The following THSD4 variants were observed in gnomAD, a reference collection of about 807,000 sequenced individuals.
The protein encoded by THSD4 is thrombospondin type 1 domain containing 4, also known as thrombospondin type-1 domain-containing protein 4.
A neutral mutation model predicts 119.0 loss-of-function variants in THSD4; 69 were observed. The ratio of observed to expected loss-of-function variants is 0.58; its 90% CI spans 0.48 to 0.71. The LOEUF is 0.71. Among genes scored for constraint, THSD4 ranks in the 30% least tolerant of loss-of-function variants. The pLI is 0.00. For synonymous variants in THSD4, 524 were observed against 540.4 expected (o/e 0.97, Z 0.42); for missense variants, 1,393 against 1,391.1 (o/e 1.00, Z -0.02).
At chr15:71,466,993 G>A (rs964687462) in intron 7 of THSD4, among the ~76,000 whole-genome samples, 4 of 152,152 alleles carry the variant, frequency 2.6e-5, no homozygotes, top group Non-Finnish European at 4.4e-5. Flanking sequence ...CATTGCCCTC[G>A]CGTTTGTAAC....
intron 6 of THSD4, among the ~76,000 whole-genome samples, chr15:71,383,309 A>AT (rs1394113586): frequency 6.6e-6 from 1 of 152,134 alleles, no homozygotes; most frequent in Non-Finnish European, 1.5e-5. Flanking sequence ...GCATCTAATG[A>AT]TTTTTTTCCT....
At chr15:71,327,921 T>C (rs1265473365) in intron 6 of THSD4, among the ~76,000 whole-genome samples, 1 of 152,250 alleles carries the variant, frequency 6.6e-6, no homozygotes, top group Non-Finnish European at 1.5e-5. Flanking sequence ...CAGCCGGGTC[T>C]GTGCAAGAAT....
intron 7 of THSD4, among the ~76,000 whole-genome samples, chr15:71,415,867 G>A (rs1171759339): frequency 6.6e-6 from 1 of 152,158 alleles, no homozygotes; most frequent in South Asian, 2.1e-4. Context: ...TGCAATCTTG[G>A]TTCACTGCAG....
In THSD4 at chr15:71,584,900, T is replaced by A. The variant is rs546833872; in HGVS notation, c.1153-75630T>A. ...CTTCATGATTTCCATGAGGCTTACATAAAACATCTTATATCTATAATAGTC... is the reference window on the plus strand; with the variant it reads ...CTTCATGATTTCCATGAGGCTTACAAAAAACATCTTATATCTATAATAGTC... On this transcript the variant is annotated intron_variant, in intron 7 of 17. Transcript: ENST00000261862. Among the ~76,000 whole-genome samples, 3 of 152,298 alleles carry A rather than the reference T, an allele frequency of 2.0e-5. No homozygotes were observed. The East Asian group carries it at 5.8e-4, about 29-fold the overall frequency.
chr15:71,571,802 C>T (rs894207477), intron 7 of THSD4, among the ~76,000 whole-genome samples: 1 of 152,338 alleles, frequency 6.6e-6, no homozygotes, highest in East Asian at 1.9e-4. Context: ...TATTGCATCT[C>T]TGTGTGGCCA....
intron 7 of THSD4, among the ~76,000 whole-genome samples, chr15:71,649,055 C>T (rs1002597447): frequency 2.6e-5 from 4 of 152,112 alleles, no homozygotes; most frequent in African/African-American, 7.2e-5. Context: ...ACATATGGAA[C>T]GTAGAAAAGA....
intron 8 of THSD4, among the ~76,000 whole-genome samples, chr15:71,706,713 G>T (rs1200827384): frequency 6.6e-6 from 1 of 152,230 alleles, no homozygotes; most frequent in Middle Eastern, 3.4e-3. Context: ...TAGCAAAAAG[G>T]GTTAACATGC....
intron 8 of THSD4, among the ~76,000 whole-genome samples, chr15:71,706,906 G>A (rs1290534856): frequency 6.6e-6 from 1 of 152,174 alleles, no homozygotes; most frequent in Non-Finnish European, 1.5e-5. Flanking sequence ...TCCTTTTTAA[G>A]GCTAGGATAA....
rs149729997 is a variant in THSD4, at chr15:71,254,954, A to G, written c.913-1659A>G. ...CATATGGTTCGGCTCAGGCCACAGC[A>G]GGGTAATGACCACGCTGGGCATTTG... On this transcript the variant is annotated intron_variant, in intron 5 of 17. Transcript: ENST00000261862. 2.3e-4 allele frequency among the ~76,000 whole-genome samples: 35 copies of G among 152,316 alleles called. 1 individual carries two copies. In the East Asian group the frequency reaches 6.6e-3, roughly 29 times the overall value.
chr15:71,248,172 C>T (rs926264504), intron 5 of THSD4, among the ~76,000 whole-genome samples: 1 of 152,120 alleles, frequency 6.6e-6, no homozygotes, highest in Non-Finnish European at 1.5e-5. Context: ...CCCAGTTACC[C>T]AGGAGGCTTG....
At chr15:71,208,516 T>TA (rs2043863657) in intron 3 of THSD4, among the ~76,000 whole-genome samples, 1 of 13,920 alleles carries the variant, frequency 7.2e-5, no homozygotes, top group Admixed American at 1.2e-3. Context: ...TTCTTTTTTA[T>TA]TTTTTTTTAT....
chr15:71,243,011 C>A lies in THSD4; in HGVS notation c.827C>A (p.Ala276Glu). 1.9e-6 allele frequency: 3 copies of A among 1,614,214 alleles called. No homozygotes were observed. The highest frequency in any genetic ancestry group is 1.7e-6 in the Non-Finnish European group (2 of 1,180,038). Residue 276 changes from alanine (A) to glutamate (E), a missense_variant, in exon 5 of 18, where the codon GCA (alanine) becomes GAA (glutamate). Physicochemically the swap from Ala to Glu is moderately radical, Grantham distance 107 (BLOSUM62 -1). Transcript: ENST00000261862. ...AACCACGGTGTGGGGACCCATGGGG[C>A]AACTCAGAGCTTCTCTCAGCCTGCC... ...SNNHGVGTHG[A>E]TQSFSQPARS...
At chr15:71,199,488 GGTGTGTGTGGTGTGTGT>G (rs2043751299) in intron 3 of THSD4, among the ~76,000 whole-genome samples, 1 of 62,538 alleles carries the variant, frequency 1.6e-5, no homozygotes, top group East Asian at 3.6e-4. Context: ...GTGTGTGTGG[GGTGTGTGTGGTGTGTGT>G]GTGTGTGTGG....
At chr15:71,521,238 A>T (rs1461179562) in intron 7 of THSD4, among the ~76,000 whole-genome samples, 2 of 152,210 alleles carry the variant, frequency 1.3e-5, no homozygotes, top group Non-Finnish European at 2.9e-5. Context: ...AAAACTGCTT[A>T]CTTCCCCACT....
intron 5 of THSD4, among the ~76,000 whole-genome samples, chr15:71,251,457 T>G (rs1051710806): frequency 4.6e-5 from 7 of 152,216 alleles, no homozygotes; most frequent in Admixed American, 1.3e-4. Flanking sequence ...TGTTATTCAA[T>G]TGTGGTAGTT....
chr15:71,680,413 A>C (rs2051749440), intron 8 of THSD4, among the ~76,000 whole-genome samples: 1 of 152,202 alleles, frequency 6.6e-6, no homozygotes, highest in Non-Finnish European at 1.5e-5. Flanking sequence ...ATATTTGCCA[A>C]GTTTTTAGAA....
intron 16 of THSD4, among the ~76,000 whole-genome samples, chr15:71,766,343 G>A (rs934121014): frequency 1.3e-5 from 2 of 152,052 alleles, no homozygotes; most frequent in African/African-American, 4.8e-5. Flanking sequence ...GGAAGTGGAG[G>A]AAGGGTCATT....
chr15:71,306,121 C>A (rs745580263), intron 6 of THSD4, among the ~76,000 whole-genome samples: 4 of 152,044 alleles, frequency 2.6e-5, no homozygotes, highest in Non-Finnish European at 5.9e-5. Context: ...GCCTGGCCAA[C>A]ATGGCGAAAC....
intron 7 of THSD4, among the ~76,000 whole-genome samples, chr15:71,627,548 C>A (rs555577475): frequency 2.0e-5 from 3 of 152,286 alleles, no homozygotes; most frequent in Admixed American, 2.0e-4. Flanking sequence ...TAACCAGTTA[C>A]TTGCCTTCAG....
Sources: allele counts gnomAD v4.1 joint callset (sites outside exome capture counted in the v4.1 genomes callset), GRCh38; gene constraint gnomAD v4.1.1; transcripts MANE v1.5; gene names NCBI Gene and HGNC (gene_info 2026-07-23, HGNC 2026-07-21).